Variants in GRIN2B observed in about 807,000 individuals in gnomAD.
The protein encoded by GRIN2B is glutamate receptor ionotropic, NMDA 2B.
Under a neutral mutation model 114.5 loss-of-function variants are expected in GRIN2B, and 5 were observed. That is an observed-to-expected ratio of 0.04 (90% CI 0.02 to 0.09). The LOEUF (loss-of-function observed/expected upper bound fraction) is 0.09. Ranked by LOEUF, GRIN2B falls within the 10% of genes least tolerant of loss-of-function variation. GRIN2B has a pLI of 1.00. For missense variants in GRIN2B, 1,108 were observed against 1,943.5 expected, an observed-to-expected ratio of 0.57 and a Z score of 8.08; for synonymous variants, 787 against 745.1, an observed-to-expected ratio of 1.06 and a Z score of -0.92.
Position 13,856,053 on chromosome 12 carries a change from G to A in GRIN2B, c.411+9745C>T, listed in dbSNP as rs533356105. ...AAAGCACGAAGAGGGCACAGGTGAC[G>A]CACAAGAAAAGAAATGCCAAATTCT... On this transcript the variant is annotated intron_variant, in intron 3 of 13. Transcript: ENST00000609686. Among the ~76,000 whole-genome samples, 6 of 152,300 alleles carry A rather than the reference G, an allele frequency of 3.9e-5. No individual in the cohort carries two copies. The East Asian group carries it at 7.7e-4, about 20-fold the overall frequency.
rs890342313 is a variant in GRIN2B at position 13,813,851 on chromosome 12, T to A, written c.411+51947A>T. ...AATAAAATTACCCGTCTTGAGTTGC[T>A]TTCTTTTTTCCTTGCTTTTCATTAA... On this transcript the variant is annotated intron_variant, in intron 3 of 13. Transcript: ENST00000609686. Among the ~76,000 whole-genome samples the A allele has an allele frequency of 6.1e-4, 93 of 152,248 alleles. 2 individuals carry two copies. Among genetic ancestry groups the A allele is most frequent in the African/African-American group, 2.2e-3 (91 of 41,464 alleles).
At chr12:13,688,115 A>C (rs1200472048) in intron 4 of GRIN2B, among the ~76,000 whole-genome samples, 1 of 152,186 alleles carries the variant, frequency 6.6e-6, no homozygotes, top group East Asian at 1.9e-4. Context: ...AGTTGAATCC[A>C]TCCACTTCTG....
chr12:13,628,373 G>A (rs1282920881), intron 5 of GRIN2B, among the ~76,000 whole-genome samples: 1 of 152,168 alleles, frequency 6.6e-6, no homozygotes, highest in East Asian at 1.9e-4. Context: ...TCCCCAGCTT[G>A]CTCTACCCCT....
At chr12:13,830,524 C>T (rs549694511) in intron 3 of GRIN2B, among the ~76,000 whole-genome samples, 3 of 152,288 alleles carry the variant, frequency 2.0e-5, no homozygotes, top group Non-Finnish European at 4.4e-5. Flanking sequence ...GGAGCAAACA[C>T]AAGCATTAGC....
chr12:13,572,908 G>A (rs1948724514), intron 10 of GRIN2B, among the ~76,000 whole-genome samples: 1 of 152,138 alleles, frequency 6.6e-6, no homozygotes, highest in Non-Finnish European at 1.5e-5. Flanking sequence ...GTTATTCTTT[G>A]TTTAGATCAC....
intron 2 of GRIN2B, among the ~76,000 whole-genome samples, chr12:13,948,505 C>A (rs1447008217): frequency 1.3e-5 from 2 of 152,086 alleles, no homozygotes; most frequent in Non-Finnish European, 2.9e-5. Context: ...CTCTCAAATT[C>A]ATTTTTGCCA....
At position 13,564,147 on chromosome 12, in the gene GRIN2B, TGGA is replaced by T. The variant is rs878854145; in HGVS notation, c.3088_3090del (p.Ser1030del). The T allele has an allele frequency of 6.2e-6, 10 of 1,613,944 alleles. No individual in the cohort carries two copies. The highest frequency in any genetic ancestry group is 8.5e-6 in the Non-Finnish European group (10 of 1,180,022). ...TACAGGTCACTGAGCTGGCTGTGCT[TGGA>T]GGAGGGGAGGCCGATGTCCAGGGGC... On this transcript the variant is annotated inframe_deletion, in exon 14 of 14. Coordinates refer to ENST00000609686, the MANE Select transcript of GRIN2B (RefSeq NM_000834.5). The surrounding 1 kb of genome is among the most constrained non-coding windows in gnomAD (Gnocchi z 4.8).
Position 13,558,175 on chromosome 12 carries a change from G to A in GRIN2B, c.*4608C>T, listed in dbSNP as rs2136395629. 1.3e-5 allele frequency: 2 copies of A among 152,294 alleles called. No individual in the cohort carries two copies. Among genetic ancestry groups the A allele is most frequent in the East Asian group, 3.9e-4 (2 of 5,176 alleles). 9.4% of individuals were successfully genotyped at this position (152,294 alleles called of 1,614,324 possible). A position where few individuals can be genotyped will look rare whatever the true frequency, so the allele number is the denominator to read the frequency against. On this transcript the variant is annotated 3_prime_UTR_variant, in exon 14 of 14. Coordinates refer to ENST00000609686, the MANE Select transcript of GRIN2B (RefSeq NM_000834.5). Reference sequence around the variant, plus strand: ...GCTGTAGTGTGTAGCAGCCTACTGAGCATGTATTTCCTATATGGCTTTGGG... The same window carrying A: ...GCTGTAGTGTGTAGCAGCCTACTGAACATGTATTTCCTATATGGCTTTGGG...
At chr12:13,666,112 C>A (rs1000849167) in intron 5 of GRIN2B, among the ~76,000 whole-genome samples, 41 of 152,276 alleles carry the variant, frequency 2.7e-4, no homozygotes, top group Admixed American at 1.3e-3. Context: ...GTGGTGTGCA[C>A]CTGGAGAATA....
At position 13,552,631 on chromosome 12, in the gene GRIN2B, C is replaced by CTGTT. The variant is rs1291269072; in HGVS notation, c.*10148_*10151dup. On this transcript the variant is annotated 3_prime_UTR_variant, in exon 14 of 14. Coordinates refer to ENST00000609686, the MANE Select transcript of GRIN2B (RefSeq NM_000834.5). ...GGCTGTCTTCCTACCCTCCCACCAG[C>CTGTT]TGTTTACCAGATAATTTGTTTCATC... 1.3e-4 allele frequency: 20 copies of CTGTT among 151,892 alleles called. No homozygotes were observed. The highest frequency in any genetic ancestry group is 2.6e-4 in the Admixed American group (4 of 15,250). 9.4% of individuals were successfully genotyped at this position (151,892 alleles called of 1,614,324 possible). A position where few individuals can be genotyped will look rare whatever the true frequency, so the allele number is the denominator to read the frequency against.
Position 13,613,919 on chromosome 12 carries a change from T to C in GRIN2B, c.1654+1195A>G, listed in dbSNP as rs112242615. On this transcript the variant is annotated intron_variant, in intron 8 of 13. Transcript: ENST00000609686. Reference sequence around the variant, plus strand: ...GGATATATTAATGTACCACTGGCTCTGCCAGTTCAGAAGTTAAGGTAGTGC... The same window carrying C: ...GGATATATTAATGTACCACTGGCTCCGCCAGTTCAGAAGTTAAGGTAGTGC... 6.0e-3 allele frequency among the ~76,000 whole-genome samples: 902 copies of C among 150,166 alleles called. 8 individuals are homozygous for C. Among genetic ancestry groups the C allele is most frequent in the African/African-American group, 0.021 (858 of 40,866 alleles).
chr12:13,667,062 C>A (rs1393658807), intron 5 of GRIN2B, among the ~76,000 whole-genome samples: 1 of 152,086 alleles, frequency 6.6e-6, no homozygotes, highest in Non-Finnish European at 1.5e-5. Context: ...AGAAACAGCG[C>A]TGGAAAGGGT....
chr12:13,712,981 G>A (rs530048097), intron 4 of GRIN2B, among the ~76,000 whole-genome samples: 1 of 151,832 alleles, frequency 6.6e-6, no homozygotes, highest in African/African-American at 2.4e-5. Flanking sequence ...ACAACGCAAG[G>A]TGCTAAGTGA....
chr12:13,608,870 T>C (rs925684143), intron 9 of GRIN2B, 38 bp from the exon 10 acceptor site: 1 of 1,470,216 alleles, frequency 6.8e-7, no homozygotes, highest in Non-Finnish European at 9.5e-7. Context: ...AGTTAAGCCA[T>C]TGTGGCTGGT....
chr12:13,782,920 T>G (rs995134131), intron 3 of GRIN2B, among the ~76,000 whole-genome samples: 1 of 152,182 alleles, frequency 6.6e-6, no homozygotes, highest in African/African-American at 2.4e-5. Flanking sequence ...ATCTATCTAG[T>G]CTTCATGGGA....
intron 3 of GRIN2B, among the ~76,000 whole-genome samples, chr12:13,826,230 G>A (rs1008857348): frequency 6.6e-6 from 1 of 152,072 alleles, no homozygotes; most frequent in Non-Finnish European, 1.5e-5. Context: ...CAGCACTTTG[G>A]GAGGCCGAGG....
In GRIN2B at chr12:13,764,281, T is replaced by C. The variant is rs374778748; in HGVS notation, c.412-10366A>G. On this transcript the variant is annotated intron_variant, in intron 3 of 13. Transcript: ENST00000609686. ...GAGACACTCTCTCTGGCCCAGCCCA[T>C]CCCCTCTGACTTACCAGTACTAATC... 1.4e-3 allele frequency among the ~76,000 whole-genome samples: 206 copies of C among 151,444 alleles called. 5 individuals are homozygous for C. Among genetic ancestry groups the C allele is most frequent in the African/African-American group, 4.5e-3 (185 of 41,376 alleles).
chr12:13,675,900 G>T, intron 4 of GRIN2B, 41 bp from the exon 5 acceptor site: 1 of 1,151,024 alleles, frequency 8.7e-7, no homozygotes, highest in Non-Finnish European at 1.3e-6. Context: ...AGTATGAAGA[G>T]GGTATACCAT....
At chr12:13,596,563 A>G (rs937981981) in intron 10 of GRIN2B, among the ~76,000 whole-genome samples, 2 of 152,094 alleles carry the variant, frequency 1.3e-5, no homozygotes, top group African/African-American at 4.8e-5. Context: ...CCATAAAGGG[A>G]AGGTTGCTGA....
Sources: gnomAD v4.1 joint callset for allele counts (sites outside exome capture counted in the v4.1 genomes callset) on GRCh38, gnomAD v4.1.1 for gene constraint, Gnocchi (gnomAD v3.1) non-coding constraint, MANE v1.5 for transcripts, NCBI Gene and HGNC (gene_info 2026-07-23, HGNC 2026-07-21) for gene names.